SLC36A1: variants seen among roughly 807,000 people sequenced by gnomAD.
SLC36A1 encodes solute carrier family 36 member 1.
In SLC36A1, 30 loss-of-function variants were observed where a neutral mutation model predicts 47.5. That is an observed-to-expected ratio of 0.63 (90% confidence interval 0.47 to 0.86). The LOEUF (loss-of-function observed/expected upper bound fraction) is 0.86, where lower values mean the gene tolerates loss of function less well. Among genes scored for constraint, SLC36A1 ranks in the 40% least tolerant of loss-of-function variants. SLC36A1 has a pLI of 0.00. For missense variants in SLC36A1, 517 were observed against 606.0 expected (o/e 0.85, Z 1.54); for synonymous variants, 255 against 249.7 (o/e 1.02, Z -0.20).
At chr5:151,502,049 T>G in the SLC36A1 span, among the ~76,000 whole-genome samples, 1 of 148,314 alleles carries the variant, frequency 6.7e-6, no homozygotes, top group East Asian at 1.9e-4. Flanking sequence ...CGGTGGCTCA[T>G]GCCTGTAATC....
the SLC36A1 span, among the ~76,000 whole-genome samples, chr5:151,358,754 A>G: frequency 6.6e-6 from 1 of 151,790 alleles, no homozygotes; most frequent in African/African-American, 2.4e-5. Flanking sequence ...CGGGTGGATC[A>G]TGAGGTCAGG....
intron 1 of SLC36A1, among the ~76,000 whole-genome samples, chr5:151,438,344 A>G (rs1447322384): frequency 6.6e-6 from 1 of 152,132 alleles, no homozygotes; most frequent in African/African-American, 2.4e-5. Flanking sequence ...ACATGAAGGA[A>G]ATAACACTTT....
At chr5:151,517,881 T>C in the SLC36A1 span, 14 of 1,298,558 alleles carry the variant, frequency 1.1e-5, no homozygotes, top group South Asian at 1.9e-4. Flanking sequence ...TCATATTTTA[T>C]ACATGAAGAA....
chr5:151,378,386 C>A, the SLC36A1 span: 1 of 179,980 alleles, frequency 5.6e-6, no homozygotes, highest in Non-Finnish European at 1.2e-5. Flanking sequence ...GGTCTTTGCC[C>A]CACCAAAATA....
the SLC36A1 span, among the ~76,000 whole-genome samples, chr5:151,541,864 G>A: frequency 6.6e-6 from 1 of 152,192 alleles, no homozygotes; most frequent in Non-Finnish European, 1.5e-5. Context: ...GATTGACTAA[G>A]AAGCATTTTC....
the SLC36A1 span, chr5:151,380,499 ATGCCCTGCGGCAGTTCG>A: frequency 2.1e-6 from 1 of 483,780 alleles, no homozygotes; most frequent in African/African-American, 2.0e-5. Context: ...AGCAGTTATG[ATGCCCTGCGGCAGTTCG>A]TGTGTTGGAA....
At chr5:151,446,439 A>C (rs1752923656), upstream of SLC36A1, among the ~76,000 whole-genome samples, 1 of 152,166 alleles carries the variant, frequency 6.6e-6, no homozygotes, top group Admixed American at 6.5e-5. Flanking sequence ...CTGAGACAGG[A>C]GAATCGCTTG....
chr5:151,420,884 T>A, the SLC36A1 span, among the ~76,000 whole-genome samples: 1 of 151,764 alleles, frequency 6.6e-6, no homozygotes, highest in African/African-American at 2.4e-5. Flanking sequence ...CTTTCTTTTT[T>A]TTTTTTGACA....
At chr5:151,529,305 G>C in the SLC36A1 span, 3 of 1,614,098 alleles carry the variant, frequency 1.9e-6, no homozygotes, top group Non-Finnish European at 2.5e-6. Context: ...GTCACTGAGG[G>C]AAGAGGAGCT....
At chr5:151,531,851 G>T in the SLC36A1 span, 2 of 1,614,140 alleles carry the variant, frequency 1.2e-6, no homozygotes, top group Non-Finnish European at 1.7e-6. The surrounding 1 kb of genome is among the most constrained non-coding windows in gnomAD (Gnocchi z 5.7). Context: ...GTGAGCTCCA[G>T]TGGTGCCTGG....
chr5:151,380,311 G>A, the SLC36A1 span: 4 of 277,290 alleles, frequency 1.4e-5, no homozygotes, highest in African/African-American at 2.2e-5. Flanking sequence ...GTGGTGAAAC[G>A]CCCTCTCTAC....
chr5:151,518,607 G>A, the SLC36A1 span, among the ~76,000 whole-genome samples: 4 of 152,144 alleles, frequency 2.6e-5, no homozygotes, highest in Non-Finnish European at 5.9e-5. Context: ...GCGGCTGAGA[G>A]GTCAAGAGCC....
chr5:151,504,685 G>A, the SLC36A1 span: 31 of 152,764 alleles, frequency 2.0e-4, no homozygotes, highest in African/African-American at 6.7e-4. Flanking sequence ...AAGTGCCTAA[G>A]AATTTTTAAA....
the SLC36A1 span, among the ~76,000 whole-genome samples, chr5:151,352,500 T>C: frequency 0.26 from 39,771 of 152,114 alleles, 5,688 homozygotes; most frequent in African/African-American, 0.35. Context: ...CAAATTGCCA[T>C]AAACTTAGTG....
the SLC36A1 span, among the ~76,000 whole-genome samples, chr5:151,400,112 G>A: frequency 6.6e-6 from 1 of 152,070 alleles, no homozygotes; most frequent in African/African-American, 2.4e-5. Flanking sequence ...CATAACCCAG[G>A]TAACGATCTT....
the SLC36A1 span, chr5:151,553,518 G>A: frequency 1.3e-6 from 1 of 779,604 alleles, no homozygotes; most frequent in Non-Finnish European, 2.1e-6. Flanking sequence ...TCATTCATCT[G>A]ATGCATACTT....
chr5:151,531,807 C>T, the SLC36A1 span: 4 of 1,613,360 alleles, frequency 2.5e-6, no homozygotes, highest in East Asian at 4.5e-5. The surrounding 1 kb of genome is among the most constrained non-coding windows in gnomAD (Gnocchi z 5.7). Context: ...GCGTGGACAG[C>T]GGTATTGGGG....
the SLC36A1 span, among the ~76,000 whole-genome samples, chr5:151,513,734 C>T: frequency 1.3e-5 from 2 of 151,844 alleles, no homozygotes; most frequent in East Asian, 1.9e-4. Flanking sequence ...TATGTACCCC[C>T]GAAACTAAAC....
At chr5:151,455,221 T>C (rs976755015) in intron 1 of SLC36A1, among the ~76,000 whole-genome samples, 2 of 152,190 alleles carry the variant, frequency 1.3e-5, no homozygotes, top group Non-Finnish European at 2.9e-5. Flanking sequence ...ATGGAGCCGA[T>C]GTCTACCCAT....
Sources: allele counts gnomAD v4.1 joint callset (sites outside exome capture counted in the v4.1 genomes callset), GRCh38; gene constraint gnomAD v4.1.1; non-coding constraint Gnocchi (gnomAD v3.1); transcripts MANE v1.5; gene names NCBI Gene and HGNC (gene_info 2026-07-23, HGNC 2026-07-21).